The following MAGI2 variants were observed in gnomAD, a reference collection of about 807,000 sequenced individuals.
The protein encoded by MAGI2 is membrane associated guanylate kinase, WW and PDZ domain containing 2, also known as membrane-associated guanylate kinase, WW and PDZ domain-containing protein 2.
A neutral mutation model predicts 133.3 loss-of-function variants in MAGI2; 35 were observed. That is an observed-to-expected ratio of 0.26 (90% CI 0.20 to 0.35). The LOEUF is 0.35. Ranked by LOEUF, MAGI2 falls within the 10% of genes least tolerant of loss-of-function variation. The probability of loss-of-function intolerance (pLI) is 1.00; values close to 1 mark genes in which losing one functional copy is unlikely to be tolerated. For synonymous variants in MAGI2, 729 were observed against 710.6 expected (o/e 1.03, Z -0.41); for missense variants, 1,636 against 1,863.4 (o/e 0.88, Z 2.25).
chr7:79,089,192 CAT>C (rs572237107), intron 1 of MAGI2, among the ~76,000 whole-genome samples: 2 of 151,986 alleles, frequency 1.3e-5, no homozygotes, highest in Non-Finnish European at 2.9e-5. Flanking sequence ...AGCCAACAAA[CAT>C]ATGAAAAAAA....
chr7:79,356,642 A>C (rs1842036980), intron 1 of MAGI2, among the ~76,000 whole-genome samples: 1 of 152,202 alleles, frequency 6.6e-6, no homozygotes, highest in Admixed American at 6.5e-5. Flanking sequence ...ACTATCTTAA[A>C]CAATTTCTGA....
chr7:78,951,817 C>T (rs1263091873), intron 2 of MAGI2, among the ~76,000 whole-genome samples: 1 of 152,150 alleles, frequency 6.6e-6, no homozygotes, highest in Admixed American at 6.5e-5. Context: ...CAGAAAATTA[C>T]TTGTGAATTC....
intron 6 of MAGI2, among the ~76,000 whole-genome samples, chr7:78,426,627 A>G (rs144902791): frequency 0.028 from 2,943 of 104,842 alleles, 50 homozygotes; most frequent in Middle Eastern, 0.058. Flanking sequence ...AAATTAATTA[A>G]AAAAAAAGAA....
chr7:79,119,824 G>GA (rs1380242500), intron 1 of MAGI2, among the ~76,000 whole-genome samples: 3 of 151,852 alleles, frequency 2.0e-5, no homozygotes, highest in East Asian at 1.9e-4. Context: ...ATGGTGTGAG[G>GA]AAAAAAATGC....
At chr7:79,452,405 G>A (rs1028295469) in intron 1 of MAGI2, among the ~76,000 whole-genome samples, 1 of 152,124 alleles carries the variant, frequency 6.6e-6, no homozygotes, top group Non-Finnish European at 1.5e-5. Context: ...AGGGGGACAC[G>A]GAGTGAAGAA....
chr7:78,510,007 A>G (rs147913772), intron 4 of MAGI2, among the ~76,000 whole-genome samples: 4 of 152,360 alleles, frequency 2.6e-5, no homozygotes, highest in African/African-American at 7.2e-5. Flanking sequence ...AAGAAATCCA[A>G]TAATTTTTTC....
intron 2 of MAGI2, among the ~76,000 whole-genome samples, chr7:78,800,627 T>C (rs1787985127): frequency 6.6e-6 from 1 of 152,196 alleles, no homozygotes; most frequent in South Asian, 2.1e-4. Flanking sequence ...TTTTTTCTTA[T>C]TTTTAACATT....
In MAGI2 at chr7:79,028,318, CAT is replaced by C. The variant is rs59207768; in HGVS notation, c.302-21114_302-21113del. 1.7e-3 allele frequency among the ~76,000 whole-genome samples: 40 copies of C among 24,198 alleles called. 2 individuals carry two copies. Among genetic ancestry groups the C allele is most frequent in the Non-Finnish European group, 3.3e-3 (34 of 10,450 alleles). The allele number at this position is 24,198 out of a possible 152,430, so 15.9% of individuals were successfully genotyped here. ...GTGTGTATATATATATATATACACA[CAT>C]ATATATACATATATATACACACACA... is the stretch of plus-strand genomic sequence containing the variant. On this transcript the variant is annotated intron_variant, in intron 1 of 21. Transcript: ENST00000354212.
At chr7:78,503,012 A>T (rs571619548) in intron 4 of MAGI2, among the ~76,000 whole-genome samples, 19 of 152,300 alleles carry the variant, frequency 1.2e-4, no homozygotes, top group Non-Finnish European at 2.4e-4. Context: ...CAATGTTAAA[A>T]GGCAACTTTA....
At chr7:78,215,574 T>C (rs1160435998) in intron 10 of MAGI2, among the ~76,000 whole-genome samples, 1 of 152,186 alleles carries the variant, frequency 6.6e-6, no homozygotes, top group Non-Finnish European at 1.5e-5. Context: ...GGGATTTACA[T>C]AGCATTAAAA....
intron 2 of MAGI2, among the ~76,000 whole-genome samples, chr7:78,700,991 A>C (rs1358874539): frequency 6.6e-6 from 1 of 150,596 alleles, no homozygotes; most frequent in Non-Finnish European, 1.5e-5. Context: ...TTATAAATAA[A>C]ATATTAAATT....
intron 7 of MAGI2, among the ~76,000 whole-genome samples, chr7:78,366,721 A>C (rs1031084443): frequency 1.3e-5 from 2 of 152,180 alleles, no homozygotes; most frequent in African/African-American, 4.8e-5. Context: ...AGATGTTTCC[A>C]ATAAATATTG....
intron 2 of MAGI2, among the ~76,000 whole-genome samples, chr7:78,906,533 T>C (rs971986879): frequency 1.3e-5 from 2 of 152,242 alleles, no homozygotes; most frequent in Non-Finnish European, 2.9e-5. Context: ...GAGAGGAATC[T>C]CTACCAACAT....
At chr7:78,054,668 T>G (rs1008655956) in intron 21 of MAGI2, among the ~76,000 whole-genome samples, 1 of 146,500 alleles carries the variant, frequency 6.8e-6, no homozygotes, top group Non-Finnish European at 1.5e-5. Flanking sequence ...TTTTTTTTTT[T>G]CTGTTTTGAG....
chr7:78,682,383 C>A (rs1217158117), intron 2 of MAGI2, among the ~76,000 whole-genome samples: 17 of 152,164 alleles, frequency 1.1e-4, no homozygotes, highest in African/African-American at 2.4e-5. Flanking sequence ...TGCCCCCCAC[C>A]CACCAGCAGG....
chr7:78,526,125 T>C (rs978438353), intron 3 of MAGI2, among the ~76,000 whole-genome samples: 4 of 152,232 alleles, frequency 2.6e-5, no homozygotes, highest in Non-Finnish European at 5.9e-5. Flanking sequence ...TATATCTCTT[T>C]GACTTAAGAA....
chr7:79,399,875 G>T (rs923835969), intron 1 of MAGI2, among the ~76,000 whole-genome samples: 2 of 152,162 alleles, frequency 1.3e-5, no homozygotes, highest in African/African-American at 4.8e-5. Context: ...TCTGGCTGAA[G>T]ATTGTTCATT....
At chr7:78,336,995 G>T (rs918934491) in intron 9 of MAGI2, among the ~76,000 whole-genome samples, 1 of 152,094 alleles carries the variant, frequency 6.6e-6, no homozygotes, top group Non-Finnish European at 1.5e-5. Flanking sequence ...TCTCGTGTAT[G>T]CTGCAAACCA....
chr7:78,702,989 G>A (rs148321642), intron 2 of MAGI2, among the ~76,000 whole-genome samples: 2 of 151,970 alleles, frequency 1.3e-5, no homozygotes, highest in East Asian at 3.9e-4. Context: ...ATCTTGATGA[G>A]TAATGTATGA....
Sources: gnomAD v4.1 joint callset for allele counts (sites outside exome capture counted in the v4.1 genomes callset) on GRCh38, gnomAD v4.1.1 for gene constraint, MANE v1.5 for transcripts, NCBI Gene and HGNC (gene_info 2026-07-23, HGNC 2026-07-21) for gene names.